Variants in TMEM117 observed in about 807,000 individuals in gnomAD.
The protein encoded by TMEM117 is transmembrane protein 117.
A neutral mutation model predicts 52.4 loss-of-function variants in TMEM117; 27 were observed. That is an observed-to-expected ratio of 0.51 (90% CI 0.38 to 0.71). The LOEUF (loss-of-function observed/expected upper bound fraction) is 0.71, where lower values mean the gene tolerates loss of function less well. Among genes scored for constraint, TMEM117 ranks in the 30% least tolerant of loss-of-function variants. TMEM117 has a pLI of 0.00. For missense variants in TMEM117, 556 were observed against 630.5 expected (o/e 0.88, Z 1.26); for synonymous variants, 215 against 206.3 (o/e 1.04, Z -0.36).
At position 43,884,717 on chromosome 12, in the gene TMEM117, C is replaced by T. The variant is rs1391364961; in HGVS notation, c.277+39789C>T. On this transcript the variant is annotated intron_variant, in intron 2 of 7. Transcript: ENST00000266534. ...TCAGGCTGGTGGGAACAGGGGAAAG[C>T]CAAAAGAAAAAGCAGATAAGCTAAG... is the stretch of plus-strand genomic sequence containing the variant. 2.0e-5 allele frequency among the ~76,000 whole-genome samples: 3 copies of T among 152,144 alleles called. No individual in the cohort carries two copies. In the East Asian group the frequency reaches 5.8e-4, roughly 29 times the overall value.
At chr12:44,343,735 A>G (rs1951447653) in intron 6 of TMEM117, among the ~76,000 whole-genome samples, 1 of 152,158 alleles carries the variant, frequency 6.6e-6, no homozygotes, top group African/African-American at 2.4e-5. Flanking sequence ...TGTGTATTTT[A>G]TCACTGTTTA....
intron 2 of TMEM117, among the ~76,000 whole-genome samples, chr12:43,862,239 G>T (rs1424759169): frequency 3.3e-5 from 5 of 152,106 alleles, no homozygotes; most frequent in Admixed American, 2.6e-4. Context: ...TGTGCTCTCG[G>T]CTCACTGCAA....
intron 3 of TMEM117, among the ~76,000 whole-genome samples, chr12:43,955,954 T>C (rs769069208): frequency 1.5e-4 from 23 of 151,996 alleles, no homozygotes; most frequent in Non-Finnish European, 1.6e-4. Context: ...ACGTAGACCA[T>C]TGGAACAGAA....
At chr12:44,039,345 A>G (rs1946761781) in intron 3 of TMEM117, among the ~76,000 whole-genome samples, 1 of 150,448 alleles carries the variant, frequency 6.6e-6, no homozygotes, top group Non-Finnish European at 1.5e-5. Context: ...ATACCCTTAT[A>G]GTAAATTAAT....
chr12:44,385,641 T>A (rs1214244410), intron 7 of TMEM117, among the ~76,000 whole-genome samples: 1 of 152,144 alleles, frequency 6.6e-6, no homozygotes, highest in African/African-American at 2.4e-5. Context: ...TGATCAGTCA[T>A]ACAAGCACAA....
At chr12:44,298,333 A>G (rs911128833) in intron 5 of TMEM117, among the ~76,000 whole-genome samples, 1 of 150,060 alleles carries the variant, frequency 6.7e-6, no homozygotes, top group Non-Finnish European at 1.5e-5. Context: ...ATGTTATTTC[A>G]CCTCTATGTT....
chr12:43,971,793 A>G (rs889777589), intron 3 of TMEM117, among the ~76,000 whole-genome samples: 3 of 152,238 alleles, frequency 2.0e-5, no homozygotes, highest in Non-Finnish European at 4.4e-5. Flanking sequence ...AACAAATTTT[A>G]AAATATACAA....
At chr12:43,928,191 T>G (rs1171321011) in intron 2 of TMEM117, among the ~76,000 whole-genome samples, 1 of 152,128 alleles carries the variant, frequency 6.6e-6, no homozygotes, top group African/African-American at 2.4e-5. Flanking sequence ...TCTAGAACGT[T>G]TTAACTGTAA....
chr12:44,198,990 GC>G (rs2138363296), intron 4 of TMEM117, among the ~76,000 whole-genome samples: 1 of 152,312 alleles, frequency 6.6e-6, no homozygotes, highest in South Asian at 2.1e-4. Flanking sequence ...ATATCAATAT[GC>G]TTAGAAGCAG....
At chr12:43,846,645 A>G (rs143310460) in intron 2 of TMEM117, among the ~76,000 whole-genome samples, 4 of 152,324 alleles carry the variant, frequency 2.6e-5, no homozygotes, top group Non-Finnish European at 4.4e-5. Context: ...GAAAGACTAA[A>G]CAAATAAATG....
intron 6 of TMEM117, among the ~76,000 whole-genome samples, chr12:44,375,374 A>G (rs1030602292): frequency 1.3e-5 from 2 of 152,138 alleles, no homozygotes; most frequent in African/African-American, 4.8e-5. Context: ...TACTTCTTGT[A>G]TATTTATTTC....
intron 2 of TMEM117, among the ~76,000 whole-genome samples, chr12:43,906,555 A>G (rs2407785): frequency 0.72 from 108,675 of 151,642 alleles, 42,030 homozygotes; most frequent in East Asian, 0.87. Context: ...GTAGAAGACC[A>G]GTGATTTCTG....
At chr12:44,012,926 A>G (rs577046678) in intron 3 of TMEM117, among the ~76,000 whole-genome samples, 1 of 152,062 alleles carries the variant, frequency 6.6e-6, no homozygotes, top group South Asian at 2.1e-4. Flanking sequence ...TGCACTAAAT[A>G]GGCCTTCAGT....
intron 6 of TMEM117, among the ~76,000 whole-genome samples, chr12:44,350,866 T>C (rs1411635527): frequency 6.6e-6 from 1 of 152,044 alleles, no homozygotes; most frequent in Non-Finnish European, 1.5e-5. Flanking sequence ...TTTCCTTTCT[T>C]TTGGGTATAT....
intron 5 of TMEM117, among the ~76,000 whole-genome samples, chr12:44,212,812 T>A (rs746131540): frequency 6.6e-6 from 1 of 151,932 alleles, no homozygotes; most frequent in Non-Finnish European, 1.5e-5. Context: ...TTTTTTTTAA[T>A]GCAAAAGCTT....
intron 4 of TMEM117, among the ~76,000 whole-genome samples, chr12:44,208,476 G>GTCTT (rs1949600099): frequency 1.3e-5 from 2 of 152,250 alleles, no homozygotes; most frequent in Admixed American, 1.3e-4. Flanking sequence ...TCATGGCATT[G>GTCTT]TCTTTAGTCT....
intron 6 of TMEM117, among the ~76,000 whole-genome samples, chr12:44,368,079 A>T (rs1951814621): frequency 6.6e-6 from 1 of 152,132 alleles, no homozygotes; most frequent in African/African-American, 2.4e-5. Context: ...GGGCCTTTGT[A>T]CTTGCTCTTT....
chr12:44,015,456 A>G (rs1199909986), intron 3 of TMEM117, among the ~76,000 whole-genome samples: 1 of 152,080 alleles, frequency 6.6e-6, no homozygotes, highest in East Asian at 1.9e-4. Flanking sequence ...TTACATGCAT[A>G]TGTTCATCTC....
chr12:43,840,443 G>C (rs566622933), intron 1 of TMEM117, among the ~76,000 whole-genome samples: 2 of 152,164 alleles, frequency 1.3e-5, no homozygotes, highest in Non-Finnish European at 2.9e-5. Context: ...GGAGTTGAGG[G>C]GGGGTGCATT....
Sources: gnomAD v4.1 joint callset for allele counts (sites outside exome capture counted in the v4.1 genomes callset) on GRCh38, gnomAD v4.1.1 for gene constraint, MANE v1.5 for transcripts, NCBI Gene and HGNC (gene_info 2026-07-23, HGNC 2026-07-21) for gene names.